The following PLCXD3 variants were observed in gnomAD, a reference collection of about 807,000 sequenced individuals.
The protein encoded by PLCXD3 is phosphatidylinositol specific phospholipase C X domain containing 3, also known as PI-PLC X domain-containing protein 3.
A neutral mutation model predicts 25.5 loss-of-function variants in PLCXD3; 19 were observed. The ratio of observed to expected loss-of-function variants is 0.75; its 90% CI spans 0.52 to 1.09. The LOEUF (loss-of-function observed/expected upper bound fraction) is 1.09, where lower values mean the gene tolerates loss of function less well. Ranked by LOEUF, PLCXD3 falls within the 50% of genes least tolerant of loss-of-function variation. The pLI, the probability that PLCXD3 is intolerant of heterozygous loss-of-function variation, is 0.00. For missense variants in PLCXD3, 411 were observed against 388.1 expected (o/e 1.06, Z -0.50); for synonymous variants, 174 against 137.6 (o/e 1.26, Z -1.85).
At chr5:41,338,019 T>C (rs1744033210) in intron 2 of PLCXD3, among the ~76,000 whole-genome samples, 1 of 152,162 alleles carries the variant, frequency 6.6e-6, no homozygotes, top group Non-Finnish European at 1.5e-5. Context: ...ACAATAAATA[T>C]TGTCAAGCCA....
chr5:41,490,182 A>C (rs1465129979), intron 1 of PLCXD3, among the ~76,000 whole-genome samples: 2 of 151,882 alleles, frequency 1.3e-5, no homozygotes, highest in African/African-American at 4.8e-5. Flanking sequence ...TTCTGCATCT[A>C]TTGAGATAAT....
chr5:41,347,226 T>C (rs979261613), intron 2 of PLCXD3, among the ~76,000 whole-genome samples: 1 of 152,182 alleles, frequency 6.6e-6, no homozygotes, highest in Admixed American at 6.5e-5. Context: ...TTTTAATAAA[T>C]TGATATTTTA....
chr5:41,333,151 A>G (rs1255260091), intron 2 of PLCXD3, among the ~76,000 whole-genome samples: 2 of 151,858 alleles, frequency 1.3e-5, no homozygotes, highest in Non-Finnish European at 2.9e-5. Context: ...AAACAAACAA[A>G]AACGTCAATG....
chr5:41,315,616 C>A, intron 2 of PLCXD3, among the ~76,000 whole-genome samples: 1 of 152,134 alleles, frequency 6.6e-6, no homozygotes, highest in East Asian at 1.9e-4. Flanking sequence ...CCTTTAGTAC[C>A]TGGATTTAAC....
chr5:41,406,243 C>T (rs1746346526), intron 1 of PLCXD3, among the ~76,000 whole-genome samples: 1 of 152,084 alleles, frequency 6.6e-6, no homozygotes, highest in African/African-American at 2.4e-5. Context: ...CAGACCTCAA[C>T]TTGCTTCATA....
chr5:41,468,103 T>C lies in PLCXD3; in HGVS notation c.103+42321A>G, dbSNP rs543869021. Among the ~76,000 whole-genome samples the C allele has an allele frequency of 1.5e-3, 213 of 138,780 alleles. 3 individuals are homozygous for C. In the Middle Eastern group the frequency reaches 0.044, roughly 29 times the overall value. 91.0% of individuals were successfully genotyped at this position (138,780 alleles called of 152,430 possible). Reference sequence around the variant, plus strand: ...CATGATCTTGGTTCACTACAACCTCTGCCTCCTGGGTTGAAGCAATTCTCC... The same window carrying C: ...CATGATCTTGGTTCACTACAACCTCCGCCTCCTGGGTTGAAGCAATTCTCC... On this transcript the variant is annotated intron_variant, in intron 1 of 2. Coordinates refer to ENST00000377801, the MANE Select transcript of PLCXD3 (RefSeq NM_001005473.3).
intron 2 of PLCXD3, among the ~76,000 whole-genome samples, chr5:41,364,617 T>C (rs1305382521): frequency 6.6e-6 from 1 of 152,156 alleles, no homozygotes; most frequent in African/African-American, 2.4e-5. Context: ...CAGAGACAGC[T>C]GGGGCAAGAA....
At chr5:41,427,785 A>G (rs1347187544) in intron 1 of PLCXD3, among the ~76,000 whole-genome samples, 2 of 152,194 alleles carry the variant, frequency 1.3e-5, no homozygotes, top group Non-Finnish European at 2.9e-5. Flanking sequence ...CTCCACAAGT[A>G]TCATTCACAT....
At chr5:41,459,522 A>C (rs1747828006) in intron 1 of PLCXD3, among the ~76,000 whole-genome samples, 1 of 151,882 alleles carries the variant, frequency 6.6e-6, no homozygotes, top group Non-Finnish European at 1.5e-5. Flanking sequence ...GTGACATGTC[A>C]AACTAGCATC....
At chr5:41,454,487 C>T (rs1198522404) in intron 1 of PLCXD3, among the ~76,000 whole-genome samples, 4 of 151,902 alleles carry the variant, frequency 2.6e-5, no homozygotes, top group African/African-American at 9.7e-5. Flanking sequence ...GAGTGCTAAT[C>T]CCATTCTTGT....
chr5:41,465,000 A>G (rs1452711578), intron 1 of PLCXD3, among the ~76,000 whole-genome samples: 1 of 152,000 alleles, frequency 6.6e-6, no homozygotes, highest in African/African-American at 2.4e-5. Context: ...TTCTTGTTTC[A>G]TCATCCCTTG....
Position 41,462,863 on chromosome 5 carries a change from C to T in PLCXD3, c.103+47561G>A, listed in dbSNP as rs779062537. ...TGCTGAGATGAGAATTAAAACTGCC[C>T]ATTTTCTTTGTCTTGGCCAACCTAG... On this transcript the variant is annotated intron_variant, in intron 1 of 2. Coordinates refer to ENST00000377801, the MANE Select transcript of PLCXD3 (RefSeq NM_001005473.3). Among the ~76,000 whole-genome samples, 3 of 152,014 alleles carry T rather than the reference C, an allele frequency of 2.0e-5. No individual in the cohort carries two copies. In the East Asian group the frequency reaches 5.8e-4, roughly 30 times the overall value.
intron 2 of PLCXD3, among the ~76,000 whole-genome samples, chr5:41,318,908 TCCACA>T (rs1456115858): frequency 6.6e-6 from 1 of 151,910 alleles, no homozygotes; most frequent in Admixed American, 6.6e-5. Flanking sequence ...GGAAAAAGAT[TCCACA>T]CCACTGGAAA....
chr5:41,413,521 C>T (rs1418264236), intron 1 of PLCXD3, among the ~76,000 whole-genome samples: 1 of 152,172 alleles, frequency 6.6e-6, no homozygotes, highest in Non-Finnish European at 1.5e-5. Context: ...AAAAAATGGT[C>T]CTTGCCTTTA....
At chr5:41,433,570 T>C (rs1747167078) in intron 1 of PLCXD3, among the ~76,000 whole-genome samples, 1 of 152,108 alleles carries the variant, frequency 6.6e-6, no homozygotes, top group Non-Finnish European at 1.5e-5. Context: ...TGAGAGCAAT[T>C]GTATAGATTT....
At chr5:41,389,018 A>T (rs1745727242) in intron 1 of PLCXD3, among the ~76,000 whole-genome samples, 1 of 151,922 alleles carries the variant, frequency 6.6e-6, no homozygotes, top group African/African-American at 2.4e-5. Flanking sequence ...CATAAAATTT[A>T]TGGATAAATA....
At chr5:41,426,325 TA>T (rs1311030027) in intron 1 of PLCXD3, among the ~76,000 whole-genome samples, 1 of 152,074 alleles carries the variant, frequency 6.6e-6, no homozygotes, top group Non-Finnish European at 1.5e-5. Flanking sequence ...TTAATTTGTT[TA>T]TATTAATTAT....
intron 2 of PLCXD3, among the ~76,000 whole-genome samples, chr5:41,342,212 C>T (rs544441281): frequency 2.0e-5 from 3 of 152,246 alleles, no homozygotes; most frequent in East Asian, 3.9e-4. Flanking sequence ...TGGAATCCCT[C>T]TAATGATGTA....
chr5:41,327,450 A>G (rs921931362), intron 2 of PLCXD3, among the ~76,000 whole-genome samples: 2 of 152,188 alleles, frequency 1.3e-5, no homozygotes, highest in African/African-American at 2.4e-5. Flanking sequence ...GAGACATTCA[A>G]ACTTGTATTT....
Sources: allele counts gnomAD v4.1 joint callset (sites outside exome capture counted in the v4.1 genomes callset), GRCh38; gene constraint gnomAD v4.1.1; transcripts MANE v1.5; gene names NCBI Gene and HGNC (gene_info 2026-07-23, HGNC 2026-07-21).